MAN2B1: variants seen among roughly 807,000 people sequenced by gnomAD.
MAN2B1 encodes the protein mannosidase alpha class 2B member 1.
MAN2B1 carries 99 observed loss-of-function variants against 127.5 expected under a neutral mutation model. The observed-to-expected ratio is 0.78, with a 90% CI of 0.66 to 0.92. The LOEUF (loss-of-function observed/expected upper bound fraction) is 0.92. MAN2B1 is among the 40% of genes least tolerant of loss of function. The pLI, the probability that MAN2B1 is intolerant of heterozygous loss-of-function variation, is 0.00. For synonymous variants in MAN2B1, 573 were observed against 568.8 expected (o/e 1.01, Z -0.11); for missense variants, 1,304 against 1,384.8 (o/e 0.94, Z 0.93).
chr19:12,662,831 A>T lies in MAN2B1; in HGVS notation c.909+486T>A, dbSNP rs186133644. Among the ~76,000 whole-genome samples the T allele has an allele frequency of 3.9e-3, 568 of 144,500 alleles. 3 individuals carry two copies. The highest frequency in any genetic ancestry group is 5.2e-3 in the Non-Finnish European group (346 of 66,074). 94.8% of individuals were successfully genotyped at this position (144,500 alleles called of 152,430 possible). On this transcript the variant is annotated intron_variant, in intron 6 of 23. Transcript: ENST00000456935. ...CAGGTGCCTCTAATCCCAGCTTCTT[A>T]GGAGGCTGAGGCAGGAGAATCGCTT...
chr19:12,652,042 G>T, intron 16 of MAN2B1, 111 bp downstream of exon 16: 2 of 849,068 alleles, frequency 2.4e-6, no homozygotes, highest in East Asian at 2.4e-5. Context: ...CCACTGATCT[G>T]AAGGAAAAGT....
At chr19:12,663,525 G>A (rs1404197055) in intron 5 of MAN2B1, 63 bp from the exon 6 acceptor site, 33 of 1,600,902 alleles carry the variant, frequency 2.1e-5, no homozygotes, top group Non-Finnish European at 2.5e-5. Context: ...TTTCAAAGCC[G>A]GCCATGTCCC....
At chr19:12,649,475 C>CAA in intron 18 of MAN2B1, 47 bp from the exon 19 acceptor site, 1 of 574,494 alleles carries the variant, frequency 1.7e-6, no homozygotes, top group Non-Finnish European at 2.8e-6. Context: ...GGCTCCCCAA[C>CAA]TCTTTTTTTT....
chr19:12,655,581 T>G, intron 14 of MAN2B1, 113 bp downstream of exon 14: 7 of 1,053,500 alleles, frequency 6.6e-6, no homozygotes, highest in South Asian at 1.6e-5. Context: ...ATGAGGGGAG[T>G]TGTGACAGGA....
intron 7 of MAN2B1, chr19:12,660,878 G>A: frequency 3.4e-6 from 1 of 289,930 alleles, no homozygotes; most frequent in South Asian, 3.1e-5. Flanking sequence ...CCTGCCTCAG[G>A]CTCCCGAGTA....
At chr19:12,661,470 T>C (rs957079003) in intron 6 of MAN2B1, 94 bp from the exon 7 acceptor site, 69 of 843,964 alleles carry the variant, frequency 8.2e-5, no homozygotes, top group Admixed American at 1.9e-4. Flanking sequence ...GGATGTTGGG[T>C]GCACAGGCAT....
intron 13 of MAN2B1, 48 bp downstream of exon 13, chr19:12,656,523 C>T (rs1165485674): frequency 1.5e-6 from 2 of 1,361,836 alleles, no homozygotes; most frequent in Non-Finnish European, 2.1e-6. Flanking sequence ...AGGAAATGCC[C>T]ACTGGGGGAG....
intron 13 of MAN2B1, 127 bp from the exon 14 acceptor site, chr19:12,656,006 G>A: frequency 1.4e-6 from 1 of 719,150 alleles, no homozygotes; most frequent in Non-Finnish European, 2.4e-6. Context: ...TGTGTGTGGT[G>A]GGGGGACAGT....
Position 12,649,792 on chromosome 19 carries a change from G to A in MAN2B1, c.2267+121C>T, listed in dbSNP as rs955818447. 3.5e-5 allele frequency: 31 copies of A among 877,614 alleles called. No individual in the cohort carries two copies. In the East Asian group the frequency reaches 4.4e-4, roughly 13 times the overall value. The allele number at this position is 877,614 out of a possible 1,614,324, so 54.4% of individuals were successfully genotyped here. A position where few individuals can be genotyped will look rare whatever the true frequency, so the allele number is the denominator to read the frequency against. ...CCACTGCACCCTGCCTGGCTCCCCC[G>A]CCCTTCACTCTCCCTTCGTCCTCTG... On this transcript the variant is annotated intron_variant, in intron 18 of 23. Coordinates refer to ENST00000456935, the MANE Select transcript of MAN2B1 (RefSeq NM_000528.4).
intron 2 of MAN2B1, 66 bp downstream of exon 2, chr19:12,665,637 T>A: frequency 1.3e-6 from 2 of 1,587,056 alleles, no homozygotes; most frequent in Non-Finnish European, 1.7e-6. Context: ...CACCCTAATG[T>A]CCAGGACCCA....
chr19:12,648,362 G>T lies in MAN2B1; in HGVS notation c.2477C>A (p.Ser826Ter). 1 of 1,613,534 alleles carries T rather than the reference G, an allele frequency of 6.2e-7. No individual in the cohort carries two copies. The highest frequency in any genetic ancestry group is 8.5e-7 in the Non-Finnish European group (1 of 1,179,686). The change falls in exon 21 of 24, where the codon TCG becomes TAG. Residue 826 changes from serine (S) to a stop codon, truncating the protein, a stop_gained. Coordinates refer to ENST00000456935, the MANE Select transcript of MAN2B1 (RefSeq NM_000528.4). LOFTEE classifies it high-confidence loss of function. Reference sequence around the variant, plus strand: ...CGACCCGTTCTCCATTAGTGGCTCCGATACTCCGCGTCCATCGTCCTTCAG... The same window carrying T: ...CGACCCGTTCTCCATTAGTGGCTCCTATACTCCGCGTCCATCGTCCTTCAG... The part of the protein sequence containing the change: ...RLLKDDGRGV[S>*]EPLMENGSGA...
intron 18 of MAN2B1, 99 bp downstream of exon 18, chr19:12,649,814 T>A: frequency 9.5e-7 from 1 of 1,051,322 alleles, no homozygotes; most frequent in Non-Finnish European, 1.5e-6. Context: ...CCCTTCGTCC[T>A]CTGTCTCCCA....
chr19:12,665,420 A>T lies in MAN2B1; in HGVS notation c.368T>A (p.Phe123Tyr). Reference protein sequence around the residue: ...TRRFIYVEIAFFSRWWHQQTN... With the variant: ...TRRFIYVEIAYFSRWWHQQTN... Reference sequence around the variant, plus strand: ...CTGCTGGTGCCACCAACGGGAGAAGAAGGCAATCTCCACGTAAATGAAGCG... The same window carrying T: ...CTGCTGGTGCCACCAACGGGAGAAGTAGGCAATCTCCACGTAAATGAAGCG... Residue 123 changes from phenylalanine (F) to tyrosine (Y), a missense_variant, in exon 3 of 24, where the codon TTC (phenylalanine) becomes TAC (tyrosine). Phe to Tyr is a conservative substitution (Grantham distance 22). Transcript: ENST00000456935. 2.5e-6 allele frequency: 4 copies of T among 1,613,600 alleles called. No homozygotes were observed. Among genetic ancestry groups the T allele is most frequent in the Non-Finnish European group, 3.4e-6 (4 of 1,180,034 alleles).
chr19:12,657,046 C>A lies in MAN2B1; in HGVS notation c.1430G>T (p.Ser477Ile). The A allele has an allele frequency of 6.2e-7, 1 of 1,608,436 alleles. No homozygotes were observed. The highest frequency in any genetic ancestry group is 8.5e-7 in the Non-Finnish European group (1 of 1,177,454). The change falls in exon 12 of 24, where the codon AGC (serine) becomes ATC (isoleucine). Residue 477 changes from serine to isoleucine, a missense_variant. Ser to Ile is a moderately radical substitution (Grantham distance 142). Transcript: ENST00000456935. ...GCCTCTGAGCCGCGCCAGCGCGTTGCTCAGAAGAACCTGCGGAAGAGCGCA... is the reference window on the plus strand; with the variant it reads ...GCCTCTGAGCCGCGCCAGCGCGTTGATCAGAAGAACCTGCGGAAGAGCGCA... ...AGWGPCEVLL[S>I]NALARLRGFK...
At position 12,646,571 on chromosome 19, in the gene MAN2B1, C is replaced by G; in HGVS notation, c.*49G>C. On this transcript the variant is annotated 3_prime_UTR_variant, in exon 24 of 24. Transcript: ENST00000456935. ...CCCAAGAGGAGAGTCAGAGTCTGGT[C>G]TGCCCCCGGAGCAGGAGGCTTGGGC... 2.2e-6 allele frequency: 3 copies of G among 1,391,424 alleles called. No individual in the cohort carries two copies. Among genetic ancestry groups the G allele is most frequent in the South Asian group, 2.3e-5 (2 of 86,450 alleles). The allele number at this position is 1,391,424 out of a possible 1,614,324, so 86.2% of individuals were successfully genotyped here. A position where few individuals can be genotyped will look rare whatever the true frequency, so the allele number is the denominator to read the frequency against.
At chr19:12,652,499 ATGTGTGTGTG>A (rs747323309) in intron 14 of MAN2B1, 39 bp from the exon 15 acceptor site, 4 of 1,296,270 alleles carry the variant, frequency 3.1e-6, no homozygotes, top group Middle Eastern at 1.8e-4. Context: ...TTGTGTGTGT[ATGTGTGTGTG>A]TTTTCTTTTT....
intron 14 of MAN2B1, among the ~76,000 whole-genome samples, chr19:12,653,424 G>A (rs1157802722): frequency 1.3e-5 from 2 of 151,908 alleles, no homozygotes; most frequent in Non-Finnish European, 2.9e-5. Flanking sequence ...TGGGATTACA[G>A]GCATGAGCCA....
intron 14 of MAN2B1, among the ~76,000 whole-genome samples, chr19:12,654,681 T>TGAG (rs2023917652): frequency 6.6e-6 from 1 of 152,178 alleles, no homozygotes; most frequent in Admixed American, 6.6e-5. Flanking sequence ...ACTTCTTTTA[T>TGAG]TTTATTTTAT....
chr19:12,656,624 T>A lies in MAN2B1; in HGVS notation c.1591A>T (p.Ser531Cys), dbSNP rs778837502. 1.9e-6 allele frequency: 3 copies of A among 1,613,900 alleles called. No individual in the cohort carries two copies. Among genetic ancestry groups the A allele is most frequent in the Non-Finnish European group, 1.7e-6 (2 of 1,179,976 alleles). The change falls in exon 13 of 24, where the codon AGC becomes TGC. Residue 531 changes from serine (S) to cysteine (C), a missense_variant. Coordinates refer to ENST00000456935, the MANE Select transcript of MAN2B1 (RefSeq NM_000528.4). Reference sequence around the variant, plus strand: ...TCCTTCACAACGAAAACGCCTTCGCTGACCGGCAGCCGTACCATCCAATTC... The same window carrying A: ...TCCTTCACAACGAAAACGCCTTCGCAGACCGGCAGCCGTACCATCCAATTC... ...KVNWMVRLPV[S>C]EGVFVVKDPN...
Sources: gnomAD v4.1 joint callset for allele counts (sites outside exome capture counted in the v4.1 genomes callset) on GRCh38, gnomAD v4.1.1 for gene constraint, MANE v1.5 for transcripts, NCBI Gene and HGNC (gene_info 2026-07-23, HGNC 2026-07-21) for gene names.